Variants in MED13L observed in about 807,000 individuals in gnomAD.
The protein encoded by MED13L is mediator complex subunit 13L.
Under a neutral mutation model 220.9 loss-of-function variants are expected in MED13L, and 7 were observed. The ratio of observed to expected loss-of-function variants is 0.03; its 90% CI spans 0.02 to 0.06. The LOEUF is 0.06. MED13L is among the 10% of genes least tolerant of loss of function. The probability of loss-of-function intolerance (pLI) is 1.00; values close to 1 mark genes in which losing one functional copy is unlikely to be tolerated. For missense variants in MED13L, 1,965 were observed against 2,760.5 expected (o/e 0.71, Z 6.46); for synonymous variants, 1,011 against 1,015.2 (o/e 1.00, Z 0.08).
Position 115,960,236 on chromosome 12 carries a change from A to G in MED13L, c.*1030T>C, listed in dbSNP as rs1875676178. The G allele has an allele frequency of 6.6e-6, 1 of 152,652 alleles. No individual in the cohort carries two copies. The allele number at this position is 152,652 out of a possible 1,614,324, so 9.5% of individuals were successfully genotyped here. On this transcript the variant is annotated 3_prime_UTR_variant, in exon 31 of 31. Transcript: ENST00000281928. ...ATGAGCAAACACTTTCAATTGTTGT[A>G]TGTACATAAGTCCCTTTTGATCTAA...
intron 2 of MED13L, among the ~76,000 whole-genome samples, chr12:116,193,234 C>A (rs763862146): frequency 1.1e-4 from 16 of 151,932 alleles, no homozygotes; most frequent in Non-Finnish European, 2.2e-4. Flanking sequence ...TGGCTTGAGC[C>A]CAGGAGTTTG....
At chr12:116,008,265 A>G in intron 10 of MED13L, 136 bp downstream of exon 10, 1 of 1,245,740 alleles carries the variant, frequency 8.0e-7, no homozygotes, top group East Asian at 2.5e-5. Flanking sequence ...ACCATTAAAC[A>G]TTTTCCATAT....
At chr12:116,220,414 T>C (rs1440734517) in intron 2 of MED13L, among the ~76,000 whole-genome samples, 8 of 152,058 alleles carry the variant, frequency 5.3e-5, no homozygotes, top group Non-Finnish European at 1.5e-5. Flanking sequence ...AAAGAGAACA[T>C]AGGGCCGGAC....
At chr12:116,244,705 C>T (rs1206417356) in intron 1 of MED13L, among the ~76,000 whole-genome samples, 1 of 152,218 alleles carries the variant, frequency 6.6e-6, no homozygotes, top group Admixed American at 6.5e-5. Context: ...AATTCCAACA[C>T]TTTGGCAGGC....
intron 8 of MED13L, among the ~76,000 whole-genome samples, chr12:116,013,298 A>C (rs1327653141): frequency 6.6e-6 from 1 of 152,176 alleles, no homozygotes; most frequent in Non-Finnish European, 1.5e-5. Context: ...GTAGCATATG[A>C]ATTCTGAGTC....
chr12:116,205,534 A>G (rs1193402687), intron 2 of MED13L, among the ~76,000 whole-genome samples: 10 of 48,858 alleles, frequency 2.0e-4, no homozygotes, highest in East Asian at 6.6e-4. Context: ...AAGGAAGAGA[A>G]AAAAAAAAAA....
intron 9 of MED13L, among the ~76,000 whole-genome samples, chr12:116,012,274 A>C (rs1879457570): frequency 6.6e-6 from 1 of 152,160 alleles, no homozygotes; most frequent in African/African-American, 2.4e-5. Flanking sequence ...AATTTTCTAC[A>C]AAAAAAGCAA....
At chr12:116,161,631 A>G (rs1297352319) in intron 2 of MED13L, among the ~76,000 whole-genome samples, 1 of 152,174 alleles carries the variant, frequency 6.6e-6, no homozygotes, top group Non-Finnish European at 1.5e-5. Context: ...ATAACCAACT[A>G]CAATGCAAAC....
chr12:115,963,700 C>T (rs1436222144), intron 29 of MED13L, among the ~76,000 whole-genome samples, 181 bp from the exon 30 acceptor site: 1 of 151,912 alleles, frequency 6.6e-6, no homozygotes, highest in East Asian at 1.9e-4. Flanking sequence ...ACTTCTTATC[C>T]TAGAGTTGGA....
intron 2 of MED13L, among the ~76,000 whole-genome samples, chr12:116,116,385 A>C (rs1874520317): frequency 6.6e-6 from 1 of 152,212 alleles, no homozygotes; most frequent in African/African-American, 2.4e-5. Flanking sequence ...TGAGAGCTTC[A>C]AAATAACTGG....
intron 4 of MED13L, among the ~76,000 whole-genome samples, chr12:116,041,933 G>A (rs539734755): frequency 6.6e-6 from 1 of 152,284 alleles, no homozygotes; most frequent in South Asian, 2.1e-4. Context: ...AAGAAATGGA[G>A]AAATTTAGCC....
intron 2 of MED13L, among the ~76,000 whole-genome samples, chr12:116,190,847 C>T (rs1468987322): frequency 5.3e-5 from 8 of 151,944 alleles, no homozygotes; most frequent in African/African-American, 1.5e-4. Flanking sequence ...ATCCCAGCAC[C>T]GTGGGAGGCC....
intron 2 of MED13L, among the ~76,000 whole-genome samples, chr12:116,139,298 T>C (rs1297996748): frequency 6.6e-6 from 1 of 152,142 alleles, no homozygotes; most frequent in African/African-American, 2.4e-5. Flanking sequence ...CACACAGCAA[T>C]TCAATGATGA....
intron 2 of MED13L, among the ~76,000 whole-genome samples, chr12:116,131,889 G>A (rs934264828): frequency 1.3e-5 from 2 of 152,122 alleles, no homozygotes; most frequent in Non-Finnish European, 2.9e-5. Flanking sequence ...GGCTAAGGTG[G>A]GAGAATCACT....
intron 16 of MED13L, among the ~76,000 whole-genome samples, chr12:115,995,462 C>G (rs960138606): frequency 6.6e-6 from 1 of 152,122 alleles, no homozygotes; most frequent in Non-Finnish European, 1.5e-5. Context: ...CTTGCTCTGT[C>G]GACCAGGCTG....
At chr12:116,158,971 C>A (rs1878655734) in intron 2 of MED13L, among the ~76,000 whole-genome samples, 1 of 152,124 alleles carries the variant, frequency 6.6e-6, no homozygotes, top group African/African-American at 2.4e-5. Flanking sequence ...CTCATGTCAA[C>A]AATCAACCAA....
intron 4 of MED13L, among the ~76,000 whole-genome samples, chr12:116,031,093 ACT>A (rs1047902246): frequency 9.9e-5 from 15 of 152,176 alleles, no homozygotes; most frequent in African/African-American, 3.6e-4. Flanking sequence ...TATTTTTAAA[ACT>A]CTTAGGGAAC....
chr12:116,129,675 A>T (rs1875894652), intron 2 of MED13L, among the ~76,000 whole-genome samples: 1 of 152,140 alleles, frequency 6.6e-6, no homozygotes, highest in Admixed American at 6.5e-5. Flanking sequence ...CTGGGAGGCC[A>T]AGGTGGGCGG....
chr12:116,215,581 T>C (rs1237545569), intron 2 of MED13L, among the ~76,000 whole-genome samples: 4 of 152,190 alleles, frequency 2.6e-5, no homozygotes, highest in Non-Finnish European at 5.9e-5. Context: ...TCTACATCCA[T>C]AATGCCTCGC....
Sources: gnomAD v4.1 joint callset for allele counts (sites outside exome capture counted in the v4.1 genomes callset) on GRCh38, gnomAD v4.1.1 for gene constraint, MANE v1.5 for transcripts, NCBI Gene and HGNC (gene_info 2026-07-23, HGNC 2026-07-21) for gene names.